LRRC49: variants seen among roughly 807,000 people sequenced by gnomAD.
LRRC49 encodes leucine rich repeat containing 49.
In LRRC49, 50 loss-of-function variants were observed where a neutral mutation model predicts 83.3. That is an observed-to-expected ratio of 0.60 (90% CI 0.48 to 0.76). LRRC49 has a LOEUF of 0.76. Among genes scored for constraint, LRRC49 ranks in the 30% least tolerant of loss-of-function variants. LRRC49 has a pLI of 0.00. For synonymous variants in LRRC49, 286 were observed against 283.3 expected (o/e 1.01, Z -0.10); for missense variants, 704 against 809.1 (o/e 0.87, Z 1.58).
At chr15:71,046,099 T>G (rs1401460252) in intron 15 of LRRC49, among the ~76,000 whole-genome samples, 1 of 152,192 alleles carries the variant, frequency 6.6e-6, no homozygotes, top group East Asian at 1.9e-4. Context: ...AATCTACCAT[T>G]GATGGGCACC....
At chr15:71,010,238 T>C (rs140300545) in intron 13 of LRRC49, among the ~76,000 whole-genome samples, 84 of 152,150 alleles carry the variant, frequency 5.5e-4, no homozygotes, top group East Asian at 1.9e-3. Context: ...TACTGTTGTT[T>C]GTAAGCATTC....
chr15:70,875,335 T>A (rs982818460), intron 2 of LRRC49, among the ~76,000 whole-genome samples: 16 of 152,176 alleles, frequency 1.1e-4, no homozygotes, highest in Admixed American at 1.0e-3. Context: ...AAGGCAGGGC[T>A]CGGAATCAAG....
At chr15:70,918,982 G>A in intron 6 of LRRC49, 68 bp from the exon 7 acceptor site, 1 of 1,230,340 alleles carries the variant, frequency 8.1e-7, no homozygotes, top group Non-Finnish European at 1.1e-6. Flanking sequence ...TTTATTTTTA[G>A]GGTTTTTAGA....
At chr15:70,865,250 AG>A (rs1409462335) in intron 1 of LRRC49, among the ~76,000 whole-genome samples, 2 of 152,226 alleles carry the variant, frequency 1.3e-5, no homozygotes. Flanking sequence ...AAATACAGAA[AG>A]GTTGAAATAA....
intron 14 of LRRC49, among the ~76,000 whole-genome samples, chr15:71,023,041 T>C (rs2039042082): frequency 6.6e-6 from 1 of 152,224 alleles, no homozygotes; most frequent in African/African-American, 2.4e-5. Flanking sequence ...GAAACACATT[T>C]CTAAATAACC....
intron 8 of LRRC49, among the ~76,000 whole-genome samples, chr15:70,961,897 A>G (rs576236370): frequency 2.0e-5 from 3 of 152,326 alleles, no homozygotes; most frequent in African/African-American, 7.2e-5. Context: ...AATGTTAAAA[A>G]ATCACTTAGG....
At chr15:70,893,495 G>C in intron 1 of LRRC49, 89 bp from the exon 2 acceptor site, 1 of 763,216 alleles carries the variant, frequency 1.3e-6, no homozygotes, top group South Asian at 1.6e-5. Context: ...CTATTTTTTT[G>C]TTGTATTTCT....
At chr15:70,972,317 T>C (rs887374261) in intron 9 of LRRC49, among the ~76,000 whole-genome samples, 6 of 152,232 alleles carry the variant, frequency 3.9e-5, no homozygotes, top group Admixed American at 3.3e-4. Context: ...TGGCCCCCAC[T>C]CTCTTCTGGC....
At chr15:70,936,303 G>T (rs2035595194) in intron 7 of LRRC49, among the ~76,000 whole-genome samples, 1 of 152,094 alleles carries the variant, frequency 6.6e-6, no homozygotes, top group Admixed American at 6.5e-5. Context: ...TATTTCCAAG[G>T]TTTTGAGACC....
Position 71,019,688 on chromosome 15 carries a change from G to A in LRRC49, c.1703+6775G>A, listed in dbSNP as rs570961308. ...TTGCCTTGATATGAGCAGAAAAGAGGAAAGTTGTCCCTAAGCAAATGTAAA... is the reference window on the plus strand; with the variant it reads ...TTGCCTTGATATGAGCAGAAAAGAGAAAAGTTGTCCCTAAGCAAATGTAAA... On this transcript the variant is annotated intron_variant, in intron 14 of 15. Coordinates refer to ENST00000260382, the MANE Select transcript of LRRC49 (RefSeq NM_017691.5). 4.6e-5 allele frequency among the ~76,000 whole-genome samples: 7 copies of A among 152,306 alleles called. No individual in the cohort carries two copies. In the East Asian group the frequency reaches 1.4e-3, roughly 29 times the overall value.
chr15:71,024,873 C>A (rs1349962798), intron 14 of LRRC49, among the ~76,000 whole-genome samples: 1 of 152,052 alleles, frequency 6.6e-6, no homozygotes, highest in East Asian at 1.9e-4. Flanking sequence ...CCTGATGGAA[C>A]TGAAAAACAC....
chr15:70,859,070 G>A, intron 1 of LRRC49: 1 of 1,514,412 alleles, frequency 6.6e-7, no homozygotes, highest in Admixed American at 1.7e-5. Flanking sequence ...CAAGATGCTG[G>A]AGACCAAGTG....
At chr15:70,938,535 G>C (rs918433205) in intron 8 of LRRC49, among the ~76,000 whole-genome samples, 1 of 152,080 alleles carries the variant, frequency 6.6e-6, no homozygotes, top group Admixed American at 6.6e-5. Context: ...TGGTCCAGGA[G>C]GTGGTATAGT....
intron 11 of LRRC49, among the ~76,000 whole-genome samples, chr15:71,004,305 A>G (rs1473753051): frequency 6.6e-6 from 1 of 152,214 alleles, no homozygotes; most frequent in Non-Finnish European, 1.5e-5. Context: ...TCTCTAGTAT[A>G]AAGACACATG....
intron 1 of LRRC49, among the ~76,000 whole-genome samples, chr15:70,861,075 GA>G (rs2032777753): frequency 6.6e-6 from 1 of 152,144 alleles, no homozygotes; most frequent in Non-Finnish European, 1.5e-5. Flanking sequence ...CATTATTTTA[GA>G]AAGAAAGAAT....
chr15:70,902,790 A>G (rs1235739865), intron 4 of LRRC49, among the ~76,000 whole-genome samples: 1 of 152,218 alleles, frequency 6.6e-6, no homozygotes, highest in Non-Finnish European at 1.5e-5. Flanking sequence ...AAGCAAAGGC[A>G]TAGTCTGTTA....
intron 1 of LRRC49, among the ~76,000 whole-genome samples, chr15:70,871,262 G>T (rs1011657544): frequency 1.3e-5 from 2 of 152,030 alleles, no homozygotes; most frequent in Non-Finnish European, 2.9e-5. Flanking sequence ...GAGAGCACGG[G>T]GTTGGGGGTA....
intron 14 of LRRC49, among the ~76,000 whole-genome samples, chr15:71,030,490 T>A (rs987699390): frequency 6.6e-6 from 1 of 152,146 alleles, no homozygotes; most frequent in African/African-American, 2.4e-5. Flanking sequence ...GGGGATTATG[T>A]GTCTTGGGGT....
Position 71,008,614 on chromosome 15 carries a change from C to T in LRRC49, c.1405C>T (p.Leu469=), listed in dbSNP as rs768811477. The T allele has an allele frequency of 4.4e-6, 7 of 1,602,160 alleles. No homozygotes were observed. The highest frequency in any genetic ancestry group is 1.7e-5 in the Admixed American group (1 of 59,730). Residue 469 remains leucine, a splice_region_variant and synonymous_variant, in exon 12 of 16, where the codon CTG becomes TTG. Coordinates refer to ENST00000260382, the MANE Select transcript of LRRC49 (RefSeq NM_017691.5). ...ACTGAAGATTAAGTTTCCTAATTCTCTGGTAAATATTTCCTTTTAGTAGTA... is the reference window on the plus strand; with the variant it reads ...ACTGAAGATTAAGTTTCCTAATTCTTTGGTAAATATTTCCTTTTAGTAGTA... The part of the protein sequence containing the change: ...PKLKIKFPNS[L]HLKFKETNLV...
Sources: gnomAD v4.1 joint callset for allele counts (sites outside exome capture counted in the v4.1 genomes callset) on GRCh38, gnomAD v4.1.1 for gene constraint, MANE v1.5 for transcripts, NCBI Gene and HGNC (gene_info 2026-07-23, HGNC 2026-07-21) for gene names.